The following C7 variants were observed in gnomAD, a reference collection of about 807,000 sequenced individuals.
C7 encodes the protein complement component C7.
Under a neutral mutation model 104.8 loss-of-function variants are expected in C7, and 83 were observed. The observed-to-expected ratio is 0.79, with a 90% CI of 0.66 to 0.95. The LOEUF (loss-of-function observed/expected upper bound fraction) is 0.95, where lower values mean the gene tolerates loss of function less well. C7 is among the 40% of genes least tolerant of loss of function. The pLI is 0.00. For synonymous variants in C7, 415 were observed against 360.6 expected, an observed-to-expected ratio of 1.15 and a Z score of -1.71; for missense variants, 1,070 against 1,011.2, an observed-to-expected ratio of 1.06 and a Z score of -0.79.
At chr5:40,930,990 G>A in intron 2 of C7, 74 bp from the exon 3 acceptor site, 5 of 1,014,862 alleles carry the variant, frequency 4.9e-6, no homozygotes, top group African/African-American at 1.6e-5. Flanking sequence ...ATTTTTGACT[G>A]TTTTCACTAT....
Position 40,959,560 on chromosome 5 carries a change from C to A in C7, c.1601C>A (p.Ser534Tyr), listed in dbSNP as rs762730761. ...CCACCTCCCAGTGGGGGTGGGAGAT[C>A]CTGCGTTGGAGAAACGACAGAAAGC... ...NNPPPSGGGR[S>Y]CVGETTESTQ... is the part of the protein sequence containing the mutation. The change falls in exon 12 of 18, where the codon TCC becomes TAC. Residue 534 changes from serine to tyrosine, a missense_variant. Transcript: ENST00000313164. The A allele has an allele frequency of 4.3e-6, 7 of 1,610,140 alleles. No individual in the cohort carries two copies. The East Asian group carries it at 1.3e-4, about 31-fold the overall frequency.
chr5:40,952,638 T>TC (rs954679898), intron 9 of C7, among the ~76,000 whole-genome samples: 1 of 151,814 alleles, frequency 6.6e-6, no homozygotes, highest in Non-Finnish European at 1.5e-5. Flanking sequence ...ATGCTATCCC[T>TC]CCCCCCTCTC....
chr5:40,934,480 C>T lies in C7; in HGVS notation c.280+14C>T. ...GGTGCTTTTCAGGTAACTTGTTTTCCATAGGCTCAGCATGCAGATTGTAAA... is the reference window on the plus strand; with the variant it reads ...GGTGCTTTTCAGGTAACTTGTTTTCTATAGGCTCAGCATGCAGATTGTAAA... On this transcript the variant is annotated intron_variant, in intron 4 of 17. Transcript: ENST00000313164. 1.2e-6 allele frequency: 2 copies of T among 1,612,622 alleles called. No individual in the cohort carries two copies.
At position 40,964,692 on chromosome 5, in the gene C7, A is replaced by T. The variant is rs879221319; in HGVS notation, c.1750-49A>T. ...ATATATGTAAAGAAACGTTTTGTTA[A>T]TGCAAAATAGACAAACTCTTTCCTT... On this transcript the variant is annotated intron_variant, in intron 13 of 17. Coordinates refer to ENST00000313164, the MANE Select transcript of C7 (RefSeq NM_000587.4). 4.5e-6 allele frequency: 7 copies of T among 1,560,744 alleles called. No homozygotes were observed. In the South Asian group the frequency reaches 8.0e-5, roughly 18 times the overall value.
At chr5:40,975,709 C>T (rs904768057) in intron 15 of C7, among the ~76,000 whole-genome samples, 5 of 152,134 alleles carry the variant, frequency 3.3e-5, no homozygotes, top group African/African-American at 4.8e-5. Context: ...GACTGCTGAC[C>T]ATGGCAGGCA....
intron 2 of C7, 23 bp from the exon 3 acceptor site, chr5:40,931,041 T>C (rs772462732): frequency 6.4e-7 from 1 of 1,557,600 alleles, no homozygotes; most frequent in Non-Finnish European, 8.9e-7. Context: ...TGCTTTATGA[T>C]GGACAATTTG....
chr5:40,949,053 A>G (rs1355893885), intron 8 of C7, among the ~76,000 whole-genome samples: 3 of 152,122 alleles, frequency 2.0e-5, no homozygotes, highest in Non-Finnish European at 4.4e-5. Context: ...TGGAGAATTA[A>G]TCCAGCAAGT....
At position 40,936,383 on chromosome 5, in the gene C7, G is replaced by A. The variant is rs1478476140; in HGVS notation, c.326G>A (p.Cys109Tyr). 6.2e-7 allele frequency: 1 copy of A among 1,613,324 alleles called. No individual in the cohort carries two copies. The highest frequency in any genetic ancestry group is 1.3e-5 in the African/African-American group (1 of 74,906). Residue 109 changes from cysteine to tyrosine, a missense_variant, in exon 5 of 18, where the codon TGT becomes TAT. Coordinates refer to ENST00000313164, the MANE Select transcript of C7 (RefSeq NM_000587.4). ...KSLVCNGDSD[C>Y]DEDSADEDRC... ...TTGGTTTGCAATGGGGATTCTGACT[G>A]TGATGAAGACAGTGCTGATGAAGAC...
chr5:40,980,850 G>A (rs1376701046), intron 17 of C7, among the ~76,000 whole-genome samples: 1 of 152,224 alleles, frequency 6.6e-6, no homozygotes, highest in Non-Finnish European at 1.5e-5. Flanking sequence ...ACCATTGTCT[G>A]CTGGCTGACC....
chr5:40,957,012 A>G (rs975494636), intron 10 of C7, among the ~76,000 whole-genome samples: 1 of 152,208 alleles, frequency 6.6e-6, no homozygotes, highest in Non-Finnish European at 1.5e-5. Context: ...GCAGGGCAAA[A>G]AAGGAACAGA....
At chr5:40,958,965 A>G (rs929498706) in intron 11 of C7, among the ~76,000 whole-genome samples, 2 of 152,206 alleles carry the variant, frequency 1.3e-5, no homozygotes, top group African/African-American at 4.8e-5. Flanking sequence ...AGGCTTATAT[A>G]CAAGCATTAC....
At chr5:40,977,954 T>A (rs1740853629) in intron 16 of C7, among the ~76,000 whole-genome samples, 1 of 151,946 alleles carries the variant, frequency 6.6e-6, no homozygotes, top group Middle Eastern at 3.4e-3. Context: ...GGCAATATGG[T>A]GAAACCCCTT....
chr5:40,947,581 T>C (rs755278924), intron 7 of C7, 21 bp from the exon 8 acceptor site: 51 of 1,611,808 alleles, frequency 3.2e-5, no homozygotes, highest in Non-Finnish European at 4.2e-5. Flanking sequence ...AAACTCCTTG[T>C]ACTCTTTCTT....
At chr5:40,955,267 A>T (rs931883613) in intron 9 of C7, 120 bp from the exon 10 acceptor site, 1 of 900,412 alleles carries the variant, frequency 1.1e-6, no homozygotes, top group Non-Finnish European at 1.7e-6. Flanking sequence ...CTTCTTTCTG[A>T]CCACAATTTA....
intron 7 of C7, among the ~76,000 whole-genome samples, chr5:40,945,801 A>T (rs1317149537): frequency 6.7e-6 from 1 of 150,334 alleles, no homozygotes; most frequent in African/African-American, 2.4e-5. Context: ...GAGGGAGAGG[A>T]TGCAGTGAGC....
rs1220786145 is a variant in C7 at position 40,910,619 on chromosome 5, C to T, written c.6+1003C>T. Among the ~76,000 whole-genome samples the T allele has an allele frequency of 7.9e-5, 12 of 152,124 alleles. 1 individual carries two copies. Among genetic ancestry groups the T allele is most frequent in the Admixed American group, 7.2e-4 (11 of 15,256 alleles). ...AATGAAATCATGTCCTTTGCAGCAA[C>T]ATGGAGGCAGATAGAGGTCATTATC... On this transcript the variant is annotated intron_variant, in intron 1 of 17. Coordinates refer to ENST00000313164, the MANE Select transcript of C7 (RefSeq NM_000587.4).
At chr5:40,929,775 G>A (rs1739639915) in intron 2 of C7, among the ~76,000 whole-genome samples, 1 of 152,118 alleles carries the variant, frequency 6.6e-6, no homozygotes, top group African/African-American at 2.4e-5. Flanking sequence ...TATTTTAGTG[G>A]AGCTGTTTAA....
chr5:40,955,655 A>G, intron 10 of C7, 102 bp downstream of exon 10: 1 of 996,152 alleles, frequency 1.0e-6, no homozygotes, highest in Non-Finnish European at 1.5e-6. Context: ...CATGGCTGTA[A>G]TTAGCATTTT....
chr5:40,964,101 G>C (rs1048222574), intron 13 of C7, among the ~76,000 whole-genome samples: 1 of 134,366 alleles, frequency 7.4e-6, no homozygotes, highest in African/African-American at 2.7e-5. Context: ...GGCATGCAGT[G>C]GCACTATCTC....
Sources: allele counts gnomAD v4.1 joint callset (sites outside exome capture counted in the v4.1 genomes callset), GRCh38; gene constraint gnomAD v4.1.1; transcripts MANE v1.5; gene names NCBI Gene and HGNC (gene_info 2026-07-23, HGNC 2026-07-21).